The following SYNCRIP variants were observed in gnomAD, a reference collection of about 807,000 sequenced individuals.
SYNCRIP encodes the protein synaptotagmin binding cytoplasmic RNA interacting protein.
In SYNCRIP, 9 loss-of-function variants were observed where a neutral mutation model predicts 68.9. That is an observed-to-expected ratio of 0.13 (90% CI 0.08 to 0.23). The LOEUF (loss-of-function observed/expected upper bound fraction) is 0.23. Ranked by LOEUF, SYNCRIP falls within the 10% of genes least tolerant of loss-of-function variation. The probability of loss-of-function intolerance (pLI) is 1.00; values close to 1 mark genes in which losing one functional copy is unlikely to be tolerated. For missense variants in SYNCRIP, 414 were observed against 770.6 expected (o/e 0.54, Z 5.48); for synonymous variants, 258 against 254.0 (o/e 1.02, Z -0.15).
Position 85,639,453 on chromosome 6 carries a change from C to T in SYNCRIP, c.375+768G>A, listed in dbSNP as rs377342084. On this transcript the variant is annotated intron_variant, in intron 4 of 10. Transcript: ENST00000369622. Reference sequence around the variant, plus strand: ...GCCTCCAATTCATGGTTGTCTTAAACAGCTAACTCCATATACCAACCTTTT... The same window carrying T: ...GCCTCCAATTCATGGTTGTCTTAAATAGCTAACTCCATATACCAACCTTTT... Among the ~76,000 whole-genome samples the T allele has an allele frequency of 1.5e-3, 231 of 152,282 alleles. 5 individuals carry two copies. The South Asian group carries it at 0.046, about 30-fold the overall frequency.
At chr6:85,615,420 T>C (rs1430522012) in intron 10 of SYNCRIP, 73 bp from the exon 11 acceptor site, 11 of 992,942 alleles carry the variant, frequency 1.1e-5, no homozygotes, top group Non-Finnish European at 1.6e-5. Context: ...TAGCCATTTG[T>C]AACAGTTTAA....
rs1418940116 is a variant in SYNCRIP at position 85,614,943 on chromosome 6, C to T, written c.1685G>A (p.Gly562Glu). The change falls in exon 11 of 11, where the codon GGA becomes GAA. Residue 562 changes from glycine (G) to glutamate (E), a missense_variant. By Grantham distance (98) the Gly-to-Glu change is moderately conservative (BLOSUM62 -2). This residue lies in a region of SYNCRIP where 130 missense variants were observed against 149.0 expected (regional missense o/e 0.87). Coordinates refer to ENST00000369622, the MANE Select transcript of SYNCRIP (RefSeq NM_006372.5). ...GTACCCATCAGCTTTGCGCTTTCCT[C>T]CTACATTTCCACCGCGGCCACCCCT... ...GARGGRGGNV[G>E]GKRKADGYNQ... The T allele has an allele frequency of 1.2e-6, 2 of 1,614,100 alleles. No individual in the cohort carries two copies. The highest frequency in any genetic ancestry group is 1.7e-6 in the Non-Finnish European group (2 of 1,180,000).
chr6:85,618,466 G>A (rs572511101), intron 10 of SYNCRIP, among the ~76,000 whole-genome samples: 1 of 152,024 alleles, frequency 6.6e-6, no homozygotes, highest in Non-Finnish European at 1.5e-5. Flanking sequence ...TCTTGAACCC[G>A]GGAGGTGGAG....
Position 85,619,429 on chromosome 6 carries a change from A to C in SYNCRIP, c.1009-12T>G. 6.2e-7 allele frequency: 1 copy of C among 1,608,278 alleles called. No individual in the cohort carries two copies. The highest frequency in any genetic ancestry group is 8.5e-7 in the Non-Finnish European group (1 of 1,178,332). On this transcript the variant is annotated splice_polypyrimidine_tract_variant and intron_variant, in intron 8 of 10. Coordinates refer to ENST00000369622, the MANE Select transcript of SYNCRIP (RefSeq NM_006372.5). ...AACAGCACTTTTACCTAGGGGGAAG[A>C]AAATACCCCCCTGTATTATTTCCAA...
At position 85,622,416 on chromosome 6, in the gene SYNCRIP, C is replaced by T. The variant is rs116125825; in HGVS notation, c.1008+66G>A. The T allele has an allele frequency of 3.2e-3, 4,445 of 1,397,932 alleles. 105 individuals carry two copies. In the African/African-American group the frequency reaches 0.053, roughly 17 times the overall value. The allele number at this position is 1,397,932 out of a possible 1,614,324, so 86.6% of individuals were successfully genotyped here. A position where few individuals can be genotyped will look rare whatever the true frequency, so the allele number is the denominator to read the frequency against. On this transcript the variant is annotated intron_variant, in intron 8 of 10. Coordinates refer to ENST00000369622, the MANE Select transcript of SYNCRIP (RefSeq NM_006372.5). ...GTATACTGTTCATTTTATGTTCCCCCCACCCCAACCCCGGCCCTTCTCCCA... is the reference window on the plus strand; with the variant it reads ...GTATACTGTTCATTTTATGTTCCCCTCACCCCAACCCCGGCCCTTCTCCCA...
At chr6:85,621,180 C>G (rs746201737) in intron 8 of SYNCRIP, among the ~76,000 whole-genome samples, 6 of 152,156 alleles carry the variant, frequency 3.9e-5, no homozygotes. Flanking sequence ...AAAAATGAAT[C>G]CTAACTATTT....
downstream of SYNCRIP, chr6:85,611,248 A>T (rs1395383469): frequency 6.6e-6 from 1 of 152,300 alleles, no homozygotes; most frequent in East Asian, 1.9e-4. Context: ...CTACACTAAC[A>T]CACATTTATA....
chr6:85,617,692 A>G (rs1470840617), intron 10 of SYNCRIP, among the ~76,000 whole-genome samples: 1 of 152,264 alleles, frequency 6.6e-6, no homozygotes, highest in Admixed American at 6.5e-5. Context: ...TGGACAATTA[A>G]CTGCAGAAAC....
downstream of SYNCRIP, chr6:85,611,513 C>G (rs1182753614): frequency 6.6e-6 from 1 of 152,420 alleles, no homozygotes; most frequent in Non-Finnish European, 1.5e-5. Flanking sequence ...ACTGCAGTAT[C>G]CCTTTGGGGA....
At chr6:85,626,838 A>C (rs1404226636) in intron 6 of SYNCRIP, among the ~76,000 whole-genome samples, 4 of 152,218 alleles carry the variant, frequency 2.6e-5, no homozygotes, top group South Asian at 2.1e-4. Flanking sequence ...CCCTGATGCT[A>C]ATCAAGTTAG....
chr6:85,629,167 A>C (rs141409087), intron 6 of SYNCRIP, among the ~76,000 whole-genome samples: 3 of 152,280 alleles, frequency 2.0e-5, no homozygotes, highest in Non-Finnish European at 4.4e-5. Context: ...TCCACAAAAC[A>C]CTGCTTCAAC....
At chr6:85,611,102 A>C (rs1805202679), downstream of SYNCRIP, 1 of 152,032 alleles carries the variant, frequency 6.6e-6, no homozygotes, top group Non-Finnish European at 1.5e-5. Flanking sequence ...AACATACTAA[A>C]ATGATTTATT....
At chr6:85,637,739 C>G (rs953965470) in intron 4 of SYNCRIP, among the ~76,000 whole-genome samples, 1 of 152,168 alleles carries the variant, frequency 6.6e-6, no homozygotes, top group African/African-American at 2.4e-5. Flanking sequence ...ATCTCTCACC[C>G]AATAAATTCC....
intron 6 of SYNCRIP, among the ~76,000 whole-genome samples, chr6:85,632,620 A>AC (rs1385329357): frequency 6.6e-6 from 1 of 152,148 alleles, no homozygotes; most frequent in Non-Finnish European, 1.5e-5. Context: ...ACCAGATCCT[A>AC]CCCACAGTAA....
chr6:85,610,684 G>C (rs184572712), downstream of SYNCRIP: 2 of 152,086 alleles, frequency 1.3e-5, no homozygotes, highest in African/African-American at 4.8e-5. Context: ...AGTGCCAATA[G>C]GCATGGCAAT....
intron 4 of SYNCRIP, 98 bp downstream of exon 4, chr6:85,640,123 C>T (rs1808956135): frequency 1.3e-6 from 1 of 788,168 alleles, no homozygotes; most frequent in Non-Finnish European, 2.1e-6. Context: ...ATTATCTCAA[C>T]ATCTAACATA....
At chr6:85,626,921 G>A (rs1012884673) in intron 6 of SYNCRIP, among the ~76,000 whole-genome samples, 4 of 152,148 alleles carry the variant, frequency 2.6e-5, no homozygotes, top group Non-Finnish European at 5.9e-5. Flanking sequence ...CAAAGATTTA[G>A]CAGGATCTAT....
chr6:85,613,877 T>TCA, downstream of SYNCRIP: 2 of 732,126 alleles, frequency 2.7e-6, no homozygotes, highest in Non-Finnish European at 3.3e-6. Flanking sequence ...AGTGGACTTG[T>TCA]CAGTGTGACC....
At chr6:85,636,751 A>G (rs118040492) in intron 6 of SYNCRIP, among the ~76,000 whole-genome samples, 18 of 152,344 alleles carry the variant, frequency 1.2e-4, no homozygotes, top group Non-Finnish European at 2.5e-4. Context: ...ACCAATTGCT[A>G]GGAATTCTAC....
Sources: gnomAD v4.1 joint callset for allele counts (sites outside exome capture counted in the v4.1 genomes callset) on GRCh38, gnomAD v4.1.1 for gene constraint, gnomAD v4.1.1 regional missense constraint, MANE v1.5 for transcripts, NCBI Gene and HGNC (gene_info 2026-07-23, HGNC 2026-07-21) for gene names.